UMAD1: variants seen among roughly 807,000 people sequenced by gnomAD.
UMAD1 encodes the protein UBAP1-MVB12-associated (UMA) domain containing 1, also known as UBAP1-MVB12-associated (UMA)-domain containing protein 1.
Under a neutral mutation model 6.1 loss-of-function variants are expected in UMAD1, and 8 were observed. The observed-to-expected ratio is 1.30, with a 90% CI of 0.76 to 2.35. The LOEUF (loss-of-function observed/expected upper bound fraction) is 2.35, where lower values mean the gene tolerates loss of function less well. Among genes scored for constraint, UMAD1 ranks in the 30% most tolerant of loss-of-function variants. The pLI, the probability that UMAD1 is intolerant of heterozygous loss-of-function variation, is 0.00. For synonymous variants in UMAD1, 56 were observed against 31.4 expected (o/e 1.78, Z -2.61); for missense variants, 130 against 78.4 (o/e 1.66, Z -2.49).
intron 1 of UMAD1, among the ~76,000 whole-genome samples, chr7:7,644,556 A>T (rs1785053766): frequency 6.6e-6 from 1 of 152,058 alleles, no homozygotes; most frequent in Admixed American, 6.5e-5. Flanking sequence ...TTCACTCTTC[A>T]TGTATGTTGT....
Position 7,877,484 on chromosome 7 carries a change from A to C in UMAD1, c.360A>C (p.Leu120Phe). ...TCTCCTATGATGGCAGCGAAAACTT[A>C]TCACGGTTTTGGTATGATTTCACTC... ...HLLSYDGSENLSRFWYDFTLE... is the reference protein window; with the variant it reads ...HLLSYDGSENFSRFWYDFTLE... The change falls in exon 4 of 4, where the codon TTA (leucine) becomes TTC (phenylalanine). Residue 120 changes from leucine to phenylalanine, a missense_variant. Leu to Phe is a conservative substitution (Grantham distance 22). Coordinates refer to ENST00000682710, the MANE Select transcript of UMAD1 (RefSeq NM_001302348.2). The C allele has an allele frequency of 1.4e-6, 1 of 717,584 alleles. No individual in the cohort carries two copies. Among genetic ancestry groups the C allele is most frequent in the Non-Finnish European group, 2.6e-6 (1 of 385,106 alleles). 44.5% of individuals were successfully genotyped at this position (717,584 alleles called of 1,614,324 possible).
At chr7:7,833,274 C>T (rs1783499107) in intron 3 of UMAD1, among the ~76,000 whole-genome samples, 2 of 152,032 alleles carry the variant, frequency 1.3e-5, no homozygotes, top group African/African-American at 2.4e-5. Flanking sequence ...CACTCAGCAA[C>T]GTTGTGGAAA....
chr7:7,753,470 A>C (rs146272593), intron 2 of UMAD1, among the ~76,000 whole-genome samples: 7 of 152,192 alleles, frequency 4.6e-5, no homozygotes, highest in Non-Finnish European at 8.8e-5. Context: ...CTCTATTTCC[A>C]TAAGTTCAAT....
At chr7:7,775,531 CTG>C (rs554979575) in intron 2 of UMAD1, among the ~76,000 whole-genome samples, 48 of 152,334 alleles carry the variant, frequency 3.2e-4, no homozygotes, top group Middle Eastern at 6.8e-3. Flanking sequence ...CCATGCAGAA[CTG>C]TGAGTCAATT....
chr7:7,756,551 C>G (rs1278306368), intron 2 of UMAD1, among the ~76,000 whole-genome samples: 1 of 152,178 alleles, frequency 6.6e-6, no homozygotes, highest in Non-Finnish European at 1.5e-5. Context: ...TTTCTGGTGG[C>G]AAGATGGCTA....
chr7:7,670,089 A>G (rs1381475505), intron 1 of UMAD1, among the ~76,000 whole-genome samples: 1 of 152,210 alleles, frequency 6.6e-6, no homozygotes, highest in Non-Finnish European at 1.5e-5. Context: ...TCACTTAATT[A>G]CTTGTTATAA....
Position 7,664,038 on chromosome 7 carries a change from G to A in UMAD1, c.-63-9271G>A, listed in dbSNP as rs565118917. 5.3e-5 allele frequency among the ~76,000 whole-genome samples: 8 copies of A among 152,264 alleles called. No individual in the cohort carries two copies. In the East Asian group the frequency reaches 1.2e-3, roughly 22 times the overall value. Reference sequence around the variant, plus strand: ...CTTTGCCACCTGAAGGCCAAGTCCAGTTTTAGAGGATTTCTACCATCTGCA... The same window carrying A: ...CTTTGCCACCTGAAGGCCAAGTCCAATTTTAGAGGATTTCTACCATCTGCA... On this transcript the variant is annotated intron_variant, in intron 1 of 3. Coordinates refer to ENST00000682710, the MANE Select transcript of UMAD1 (RefSeq NM_001302348.2).
At chr7:7,875,091 C>G (rs927788946) in intron 3 of UMAD1, among the ~76,000 whole-genome samples, 9 of 152,102 alleles carry the variant, frequency 5.9e-5, no homozygotes, top group Non-Finnish European at 8.8e-5. Flanking sequence ...TTATTCTTCT[C>G]CTTTAGACTT....
chr7:7,741,725 T>C (rs984616514), intron 2 of UMAD1, among the ~76,000 whole-genome samples: 3 of 151,810 alleles, frequency 2.0e-5, no homozygotes, highest in Non-Finnish European at 2.9e-5. Flanking sequence ...CTTAAACCAC[T>C]GATTTGCTAA....
intron 2 of UMAD1, among the ~76,000 whole-genome samples, chr7:7,716,223 G>A (rs1396801336): frequency 6.6e-6 from 1 of 152,118 alleles, no homozygotes; most frequent in Non-Finnish European, 1.5e-5. Flanking sequence ...GTTCTATGTT[G>A]TATTGAATAA....
intron 2 of UMAD1, among the ~76,000 whole-genome samples, chr7:7,714,215 T>A (rs1169955961): frequency 6.6e-6 from 1 of 152,252 alleles, no homozygotes; most frequent in Non-Finnish European, 1.5e-5. Flanking sequence ...CAGTCTTAAC[T>A]GACCTCCACT....
chr7:7,859,785 C>T (rs557264776), intron 3 of UMAD1, among the ~76,000 whole-genome samples: 3 of 152,290 alleles, frequency 2.0e-5, no homozygotes, highest in East Asian at 3.9e-4. Context: ...TGCTAGGAAT[C>T]CTGGAAAAAG....
chr7:7,665,392 G>T (rs1179918030), intron 1 of UMAD1, among the ~76,000 whole-genome samples: 1 of 152,134 alleles, frequency 6.6e-6, no homozygotes, highest in Non-Finnish European at 1.5e-5. Flanking sequence ...ATGCAGAAAA[G>T]AAACATTTTG....
chr7:7,801,190 G>A (rs1452729764), intron 2 of UMAD1, among the ~76,000 whole-genome samples: 1 of 152,184 alleles, frequency 6.6e-6, no homozygotes, highest in Non-Finnish European at 1.5e-5. Context: ...CTTTCCTGCT[G>A]TAAGGATTAT....
chr7:7,677,919 C>T (rs369152073), intron 2 of UMAD1, among the ~76,000 whole-genome samples: 8 of 151,740 alleles, frequency 5.3e-5, no homozygotes, highest in Admixed American at 1.3e-4. Context: ...GTGATCCGCC[C>T]GCCTCGGCCT....
At chr7:7,748,620 A>C (rs911104203) in intron 2 of UMAD1, among the ~76,000 whole-genome samples, 1 of 152,118 alleles carries the variant, frequency 6.6e-6, no homozygotes, top group East Asian at 1.9e-4. Context: ...TAATATTAAT[A>C]ATATAATCAT....
intron 1 of UMAD1, among the ~76,000 whole-genome samples, chr7:7,643,432 C>T (rs756346569): frequency 1.3e-5 from 2 of 152,182 alleles, no homozygotes; most frequent in Admixed American, 6.5e-5. Context: ...GGATCAGGGC[C>T]GGGCGCGGTG....
chr7:7,686,303 A>G (rs1780040166), intron 2 of UMAD1, among the ~76,000 whole-genome samples: 1 of 152,204 alleles, frequency 6.6e-6, no homozygotes, highest in Admixed American at 6.5e-5. Flanking sequence ...AAGTGTGTCC[A>G]GAAACATGGT....
At chr7:7,685,333 C>G (rs533968979) in intron 2 of UMAD1, among the ~76,000 whole-genome samples, 7 of 139,660 alleles carry the variant, frequency 5.0e-5, no homozygotes, top group Non-Finnish European at 1.1e-4. Context: ...TTTTTTGAGA[C>G]GGAGTCTTGC....
Sources: gnomAD v4.1 joint callset for allele counts (sites outside exome capture counted in the v4.1 genomes callset) on GRCh38, gnomAD v4.1.1 for gene constraint, MANE v1.5 for transcripts, NCBI Gene and HGNC (gene_info 2026-07-23, HGNC 2026-07-21) for gene names.